Variants in SDK2 observed in about 807,000 individuals in gnomAD.
The protein encoded by SDK2 is protein sidekick-2.
A neutral mutation model predicts 253.9 loss-of-function variants in SDK2; 105 were observed. The observed-to-expected ratio is 0.41, with a 90% CI of 0.35 to 0.49. The LOEUF (loss-of-function observed/expected upper bound fraction) is 0.49. SDK2 is among the 20% of genes least tolerant of loss of function. The pLI is 0.06. For synonymous variants in SDK2, 1,249 were observed against 1,234.9 expected (o/e 1.01, Z -0.24); for missense variants, 2,608 against 3,003.0 (o/e 0.87, Z 3.07).
At chr17:73,595,262 T>C (rs904974166) in intron 1 of SDK2, among the ~76,000 whole-genome samples, 11 of 151,802 alleles carry the variant, frequency 7.2e-5, no homozygotes, top group Non-Finnish European at 1.0e-4. Context: ...GAGGCAGGCC[T>C]GGGGGAGAGC....
chr17:73,432,021 G>A (rs988558320), intron 10 of SDK2, among the ~76,000 whole-genome samples: 2 of 152,160 alleles, frequency 1.3e-5, no homozygotes, highest in African/African-American at 4.8e-5. Context: ...GCTGGCACCC[G>A]GGTTGGGGGA....
At chr17:73,427,677 T>C (rs975127292) in intron 12 of SDK2, among the ~76,000 whole-genome samples, 4 of 142,606 alleles carry the variant, frequency 2.8e-5, no homozygotes, top group Admixed American at 2.1e-4. Flanking sequence ...GACACAGATC[T>C]TACACCCTTC....
chr17:73,442,245 A>G (rs761257987), intron 5 of SDK2, among the ~76,000 whole-genome samples: 24 of 152,378 alleles, frequency 1.6e-4, no homozygotes, highest in Middle Eastern at 3.4e-3. Flanking sequence ...TGGCTTCCCA[A>G]TCTGGGACTT....
chr17:73,380,863 C>T (rs544693975), intron 34 of SDK2, 31 bp downstream of exon 34: 15 of 1,551,994 alleles, frequency 9.7e-6, no homozygotes, highest in East Asian at 7.3e-5. Context: ...GGCCTGGGCC[C>T]GCGATGAAGC....
intron 3 of SDK2, among the ~76,000 whole-genome samples, chr17:73,466,591 G>A (rs546830120): frequency 2.5e-4 from 38 of 152,142 alleles, no homozygotes; most frequent in South Asian, 1.2e-3. Context: ...GCCCCAGTTT[G>A]CTCCTCTTAT....
At chr17:73,508,742 C>G (rs2063954726) in intron 1 of SDK2, among the ~76,000 whole-genome samples, 1 of 152,184 alleles carries the variant, frequency 6.6e-6, no homozygotes, top group Non-Finnish European at 1.5e-5. Flanking sequence ...GGGAGGTGCT[C>G]AGCCCCACAG....
chr17:73,590,167 G>C (rs1317934806), intron 1 of SDK2, among the ~76,000 whole-genome samples: 1 of 152,236 alleles, frequency 6.6e-6, no homozygotes, highest in Non-Finnish European at 1.5e-5. Context: ...GACGAAAGAA[G>C]ACATTTAGCA....
chr17:73,390,465 G>C lies in SDK2; in HGVS notation c.4014C>G (p.His1338Gln). ...TGTTGGCCGTGGTGGTGTTGAGCCG[G>C]TGTGTGATCTGGTAAGCTGTGGGAA... is the stretch of plus-strand genomic sequence containing the variant. ...NGIILAYQIT[H>Q]RLNTTTANTA... Residue 1338 changes from histidine (H) to glutamine (Q), a missense_variant, in exon 29 of 45, where the codon CAC becomes CAG. Transcript: ENST00000392650. 1 of 1,612,174 alleles carries C rather than the reference G, an allele frequency of 6.2e-7. No individual in the cohort carries two copies. The highest frequency in any genetic ancestry group is 8.5e-7 in the Non-Finnish European group (1 of 1,178,994).
chr17:73,338,433 G>C lies in SDK2; in HGVS notation c.*154C>G. ...GGTTTTCTCCCTCCTTCTGAACGCC[G>C]GCTTTGCTGGCCCTGGAATCTCTGG... is the stretch of plus-strand genomic sequence containing the variant. On this transcript the variant is annotated 3_prime_UTR_variant, in exon 45 of 45. Coordinates refer to ENST00000392650, the MANE Select transcript of SDK2 (RefSeq NM_001144952.2). The surrounding 1 kb of genome is among the most constrained non-coding windows in gnomAD (Gnocchi z 5.0). The C allele has an allele frequency of 1.4e-6, 1 of 703,410 alleles. No homozygotes were observed. Among genetic ancestry groups the C allele is most frequent in the Non-Finnish European group, 2.6e-6 (1 of 389,576 alleles). 43.6% of individuals were successfully genotyped at this position (703,410 alleles called of 1,614,324 possible).
chr17:73,361,864 G>A lies in SDK2; in HGVS notation c.5306-19C>T, dbSNP rs1379307536. The stretch of plus-strand genomic sequence containing the variant: ...CTGACTCCTGGGGGAGGCACAGCAA[G>A]TGGGGACTGGGCACAGGGCCCACCG... On this transcript the variant is annotated intron_variant, in intron 38 of 44. Transcript: ENST00000392650. The surrounding 1 kb of genome is among the most constrained non-coding windows in gnomAD (Gnocchi z 4.1). 7 of 1,562,766 alleles carry A rather than the reference G, an allele frequency of 4.5e-6. No individual in the cohort carries two copies. The highest frequency in any genetic ancestry group is 4.7e-5 in the East Asian group (2 of 42,708).
At position 73,358,869 on chromosome 17, in the gene SDK2, G is replaced by A. The variant is rs553937240; in HGVS notation, c.5468-665C>T. Among the ~76,000 whole-genome samples, 9 of 152,230 alleles carry A rather than the reference G, an allele frequency of 5.9e-5. No individual in the cohort carries two copies. The South Asian group carries it at 1.2e-3, about 21-fold the overall frequency. ...GAGGAAGGACTGGGCCCCATGCCGC[G>A]CTCCTGGAATGAAGGTACGTCAGGA... is the stretch of plus-strand genomic sequence containing the variant. On this transcript the variant is annotated intron_variant, in intron 39 of 44. Transcript: ENST00000392650.
chr17:73,543,375 C>T lies in SDK2; in HGVS notation c.65-35778G>A, dbSNP rs114575387. 7.9e-3 allele frequency among the ~76,000 whole-genome samples: 1,206 copies of T among 152,260 alleles called. 16 individuals are homozygous for T. The highest frequency in any genetic ancestry group is 0.026 in the African/African-American group (1,099 of 41,538). ...AGGCACACCAGGGCAGGTGCCATGC[C>T]GCTCATATCCCCTGGGAAAAGATTC... On this transcript the variant is annotated intron_variant, in intron 1 of 44. Coordinates refer to ENST00000392650, the MANE Select transcript of SDK2 (RefSeq NM_001144952.2).
intron 44 of SDK2, among the ~76,000 whole-genome samples, chr17:73,341,760 C>T (rs1289023940): frequency 6.6e-6 from 1 of 152,120 alleles, no homozygotes; most frequent in Non-Finnish European, 1.5e-5. Flanking sequence ...GGATACATCT[C>T]GAGGGATGTA....
At chr17:73,461,660 TG>T (rs1185134612) in intron 3 of SDK2, among the ~76,000 whole-genome samples, 1 of 152,036 alleles carries the variant, frequency 6.6e-6, no homozygotes, top group Non-Finnish European at 1.5e-5. Flanking sequence ...GAAGGTTGTA[TG>T]GGTGAATAGG....
chr17:73,428,508 A>AGATCCTTTCTATTAGGTTGGTGC (rs2063301771), intron 12 of SDK2, among the ~76,000 whole-genome samples: 1 of 152,122 alleles, frequency 6.6e-6, no homozygotes, highest in Non-Finnish European at 1.5e-5. Flanking sequence ...TTGGTTGTTG[A>AGATCCTTTCTATTAGGTTGGTGC]GATCCTTTCT....
At chr17:73,502,558 C>T (rs2145749968) in intron 2 of SDK2, among the ~76,000 whole-genome samples, 1 of 152,292 alleles carries the variant, frequency 6.6e-6, no homozygotes, top group Non-Finnish European at 1.5e-5. Context: ...TGGAAATGAA[C>T]AATGTCATGC....
intron 33 of SDK2, among the ~76,000 whole-genome samples, chr17:73,382,268 A>G (rs2062837443): frequency 1.3e-5 from 2 of 151,164 alleles, no homozygotes; most frequent in African/African-American, 4.9e-5. Flanking sequence ...CTCTCCTGCT[A>G]GTCTGTTTGG....
chr17:73,350,685 C>T lies in SDK2; in HGVS notation c.5864G>A (p.Gly1955Asp). 3 of 1,613,462 alleles carry T rather than the reference C, an allele frequency of 1.9e-6. No individual in the cohort carries two copies. Among genetic ancestry groups the T allele is most frequent in the African/African-American group, 1.3e-5 (1 of 74,964 alleles). Residue 1955 changes from glycine to aspartate, a missense_variant, in exon 42 of 45, where the codon GGC (glycine) becomes GAC (aspartate). By Grantham distance (94) the Gly-to-Asp change is moderately conservative (BLOSUM62 -1). Coordinates refer to ENST00000392650, the MANE Select transcript of SDK2 (RefSeq NM_001144952.2). ...CTTCTTGGCGTACTTCTTGCTCTGGCCCCGGATGATGAGCACGAAGACCAG... is the reference window on the plus strand; with the variant it reads ...CTTCTTGGCGTACTTCTTGCTCTGGTCCCGGATGATGAGCACGAAGACCAG... ...LLLVFVLIIRGQSKKYAKKTD... is the reference protein window; with the variant it reads ...LLLVFVLIIRDQSKKYAKKTD...
intron 18 of SDK2, among the ~76,000 whole-genome samples, chr17:73,403,984 A>AATCTG (rs1306711370): frequency 1.3e-5 from 2 of 152,370 alleles, no homozygotes; most frequent in East Asian, 3.9e-4. Context: ...GCAAGTATAA[A>AATCTG]ATCTGGGTAA....
Sources: gnomAD v4.1 joint callset for allele counts (sites outside exome capture counted in the v4.1 genomes callset) on GRCh38, gnomAD v4.1.1 for gene constraint, Gnocchi (gnomAD v3.1) non-coding constraint, MANE v1.5 for transcripts, NCBI Gene and HGNC (gene_info 2026-07-23, HGNC 2026-07-21) for gene names.